SBF2: variants seen among roughly 807,000 people sequenced by gnomAD.
SBF2 encodes SET binding factor 2.
SBF2 carries 112 observed loss-of-function variants against 225.2 expected under a neutral mutation model. The ratio of observed to expected loss-of-function variants is 0.50; its 90% CI spans 0.43 to 0.58. The LOEUF (loss-of-function observed/expected upper bound fraction) is 0.58. Ranked by LOEUF, SBF2 falls within the 20% of genes least tolerant of loss-of-function variation. The probability of loss-of-function intolerance (pLI) is 0.00; values close to 1 mark genes in which losing one functional copy is unlikely to be tolerated. For missense variants in SBF2, 1,996 were observed against 2,206.2 expected (o/e 0.90, Z 1.91); for synonymous variants, 763 against 773.3 (o/e 0.99, Z 0.22).
At chr11:9,992,268 G>T (rs917933785) in intron 12 of SBF2, 147 bp downstream of exon 12, 2 of 589,978 alleles carry the variant, frequency 3.4e-6, no homozygotes, top group Non-Finnish European at 5.5e-6. Flanking sequence ...AAAATATCGA[G>T]ATTTGATAAG....
At position 10,132,616 on chromosome 11, in the gene SBF2, C is replaced by T. The variant is rs569046709; in HGVS notation, c.141+61286G>A. Among the ~76,000 whole-genome samples, 135 of 149,064 alleles carry T rather than the reference C, an allele frequency of 9.1e-4. 5 individuals carry two copies. Among genetic ancestry groups the T allele is most frequent in the Admixed American group, 2.2e-3 (32 of 14,706 alleles). ...TCAGGAGTGAAGCTGCAGATCTTCA[C>T]GGTGAGTGTTACAGCTCATAAAAGC... is the stretch of plus-strand genomic sequence containing the variant. On this transcript the variant is annotated intron_variant, in intron 2 of 39. Transcript: ENST00000256190.
intron 6 of SBF2, among the ~76,000 whole-genome samples, chr11:10,028,086 A>T (rs982074050): frequency 1.3e-5 from 2 of 151,764 alleles, no homozygotes; most frequent in Non-Finnish European, 2.9e-5. Flanking sequence ...ATGTTTTAAA[A>T]TTTTTTCTGT....
intron 1 of SBF2, among the ~76,000 whole-genome samples, chr11:10,218,423 A>C (rs930543354): frequency 1.3e-5 from 2 of 149,280 alleles, no homozygotes; most frequent in African/African-American, 4.9e-5. Flanking sequence ...GGGTGGGGAC[A>C]CAGCCAAACA....
chr11:10,149,103 C>T (rs1006418883), intron 2 of SBF2: 3 of 152,272 alleles, frequency 2.0e-5, no homozygotes, highest in South Asian at 4.1e-4. Context: ...GATCCAAATG[C>T]TAATAACCAA....
chr11:9,851,145 A>AAC (rs1280883904), intron 21 of SBF2, among the ~76,000 whole-genome samples: 10 of 149,940 alleles, frequency 6.7e-5, no homozygotes, highest in Admixed American at 1.3e-4. Context: ...CAAAAAAAAA[A>AAC]AAAACAACAA....
In SBF2 at chr11:10,160,658, A is replaced by C. The variant is rs189358670; in HGVS notation, c.141+33244T>G. Among the ~76,000 whole-genome samples the C allele has an allele frequency of 1.8e-3, 280 of 152,164 alleles. 1 individual carries two copies. The highest frequency in any genetic ancestry group is 3.4e-3 in the Non-Finnish European group (230 of 68,002). ...AAAACTGTGCTTCCTTTTTCATGAGAGAGAGAAAAAAAGTTGTTTTGAAAA... is the reference window on the plus strand; with the variant it reads ...AAAACTGTGCTTCCTTTTTCATGAGCGAGAGAAAAAAAGTTGTTTTGAAAA... On this transcript the variant is annotated intron_variant, in intron 2 of 39. Transcript: ENST00000256190.
rs1182198750 is a variant in SBF2, at chr11:10,054,855, T to C, written c.142-11874A>G. Among the ~76,000 whole-genome samples, 7 of 152,016 alleles carry C rather than the reference T, an allele frequency of 4.6e-5. No homozygotes were observed. The East Asian group carries it at 1.4e-3, about 29-fold the overall frequency. ...AATGCAAACTAAAACCACAACGAGA[T>C]ACCACCATGAGAATGCCCATTATTT... On this transcript the variant is annotated intron_variant, in intron 2 of 39. Transcript: ENST00000256190.
At chr11:9,997,413 T>A (rs992613172) in intron 9 of SBF2, among the ~76,000 whole-genome samples, 4 of 152,232 alleles carry the variant, frequency 2.6e-5, no homozygotes, top group African/African-American at 9.6e-5. Context: ...GCCACAAGAT[T>A]TTTTAAAGCT....
At chr11:10,102,210 TA>T (rs1458374846) in intron 2 of SBF2, among the ~76,000 whole-genome samples, 4 of 152,224 alleles carry the variant, frequency 2.6e-5, no homozygotes, top group Admixed American at 2.0e-4. Flanking sequence ...TCAGTTTACC[TA>T]ATTTGGAGCA....
intron 16 of SBF2, chr11:9,928,875 C>A: frequency 7.8e-6 from 2 of 255,794 alleles, no homozygotes; most frequent in South Asian, 1.0e-4. Context: ...ACTTGCTGTT[C>A]ATTTCATGTT....
intron 2 of SBF2, among the ~76,000 whole-genome samples, chr11:10,191,241 T>A (rs1957156168): frequency 1.3e-5 from 2 of 152,244 alleles, no homozygotes; most frequent in Admixed American, 6.5e-5. Context: ...TCACCTTCAA[T>A]TAGACTAAAA....
chr11:9,936,456 T>A (rs1301771979), intron 16 of SBF2, among the ~76,000 whole-genome samples: 3 of 152,248 alleles, frequency 2.0e-5, no homozygotes, highest in Non-Finnish European at 4.4e-5. Flanking sequence ...TTACTGGGTA[T>A]ATACCCAAAG....
At chr11:10,242,127 C>T (rs575374020) in intron 1 of SBF2, among the ~76,000 whole-genome samples, 37 of 151,856 alleles carry the variant, frequency 2.4e-4, no homozygotes, top group African/African-American at 8.9e-4. Flanking sequence ...AAGGACTGGT[C>T]CTAGCACCAA....
At chr11:10,068,496 A>G (rs568038410) in intron 2 of SBF2, among the ~76,000 whole-genome samples, 3 of 152,210 alleles carry the variant, frequency 2.0e-5, no homozygotes, top group Non-Finnish European at 4.4e-5. Context: ...GGGATTCTAG[A>G]ATAAAAGACA....
intron 20 of SBF2, among the ~76,000 whole-genome samples, chr11:9,853,226 A>AT (rs1391236163): frequency 6.6e-6 from 1 of 152,238 alleles, no homozygotes; most frequent in Admixed American, 6.5e-5. Context: ...CAGAAAATAC[A>AT]TTAGAAGTTA....
intron 2 of SBF2, among the ~76,000 whole-genome samples, chr11:10,105,093 G>T (rs1332192844): frequency 6.6e-6 from 1 of 152,096 alleles, no homozygotes. Context: ...AATAATGCTG[G>T]CCTTATAATT....
At chr11:9,886,144 T>A (rs1040386867) in intron 17 of SBF2, among the ~76,000 whole-genome samples, 1 of 152,234 alleles carries the variant, frequency 6.6e-6, no homozygotes, top group Non-Finnish European at 1.5e-5. Flanking sequence ...GTCATAATTA[T>A]GTTTCCTTTC....
intron 13 of SBF2, among the ~76,000 whole-genome samples, chr11:9,974,537 A>G (rs1590652858): frequency 6.6e-6 from 1 of 151,974 alleles, no homozygotes; most frequent in African/African-American, 2.4e-5. Flanking sequence ...GGCAACATAC[A>G]GTGACCAGCT....
intron 13 of SBF2, among the ~76,000 whole-genome samples, chr11:9,987,732 T>C (rs1009143031): frequency 1.3e-5 from 2 of 151,828 alleles, no homozygotes; most frequent in African/African-American, 2.4e-5. Flanking sequence ...GACCGCTACA[T>C]GGAAAACTAC....
Sources: allele counts gnomAD v4.1 joint callset (sites outside exome capture counted in the v4.1 genomes callset), GRCh38; gene constraint gnomAD v4.1.1; transcripts MANE v1.5; gene names NCBI Gene and HGNC (gene_info 2026-07-23, HGNC 2026-07-21).